Variants in GPC3 observed in about 807,000 individuals in gnomAD.
GPC3 encodes glypican 3, also known as glypican-3.
In GPC3, 3 loss-of-function variants were observed where a neutral mutation model predicts 34.4. The observed-to-expected ratio is 0.09, with a 90% CI of 0.04 to 0.23. The LOEUF is 0.23. GPC3 is among the 10% of genes least tolerant of loss of function. GPC3 has a pLI of 1.00. For missense variants in GPC3, 351 were observed against 445.6 expected (o/e 0.79, Z 1.91); for synonymous variants, 177 against 174.0 (o/e 1.02, Z -0.13).
At chrX:133,771,694 C>T (rs1444324816) in intron 2 of GPC3, among the ~76,000 whole-genome samples, 1 of 112,393 alleles carries the variant, frequency 8.9e-6, no homozygotes, top group Non-Finnish European at 1.9e-5. Context: ...CCCAAATCTG[C>T]ATGTGGAAGT....
At chrX:133,831,429 T>C (rs1486639581) in intron 2 of GPC3, among the ~76,000 whole-genome samples, 1 of 112,111 alleles carries the variant, frequency 8.9e-6, no homozygotes, top group South Asian at 3.7e-4. Context: ...TAAAAACTTA[T>C]ATTTAAAAAC....
rs1364907569 is a variant in GPC3 at position 133,778,358 on chromosome X, C to G, written c.338-24182G>C. ...AAGAGAAAGAACCTGGCCCCTCAGA[C>G]AGCCCCCTTCTTTGGTTGTTTATAG... On this transcript the variant is annotated intron_variant, in intron 2 of 7. Transcript: ENST00000370818. Among the ~76,000 whole-genome samples, 5 of 111,952 alleles carry G rather than the reference C, an allele frequency of 4.5e-5. No homozygotes were observed. In the Admixed American group the frequency reaches 4.8e-4, roughly 11 times the overall value.
chrX:133,873,945 T>C (rs2076005042), intron 2 of GPC3, among the ~76,000 whole-genome samples: 1 of 111,202 alleles, frequency 9.0e-6, no homozygotes, highest in Admixed American at 9.6e-5. Flanking sequence ...ATGGGAACAA[T>C]TTCAAACCAT....
chrX:133,886,796 C>T (rs958245130), intron 2 of GPC3, among the ~76,000 whole-genome samples: 2 of 112,374 alleles, frequency 1.8e-5, no homozygotes, highest in African/African-American at 6.5e-5. Flanking sequence ...TGTGTGGCAG[C>T]ATATTATTTC....
intron 2 of GPC3, among the ~76,000 whole-genome samples, chrX:133,891,672 G>A (rs988782199): frequency 9.3e-6 from 1 of 107,422 alleles, no homozygotes. Context: ...AGTCGTGCAT[G>A]CCTGCAGTTC....
At chrX:133,571,162 G>C (rs1331777628) in intron 7 of GPC3, among the ~76,000 whole-genome samples, 2 of 111,412 alleles carry the variant, frequency 1.8e-5, no homozygotes, top group African/African-American at 6.5e-5. Context: ...CGGTTTCTCT[G>C]ACAAAAGGCA....
intron 2 of GPC3, among the ~76,000 whole-genome samples, chrX:133,805,161 ATTATT>A (rs1360300450): frequency 8.9e-6 from 1 of 112,253 alleles, no homozygotes; most frequent in Non-Finnish European, 1.9e-5. Context: ...TAATTATCTG[ATTATT>A]TTGTCTTGCA....
At chrX:133,581,168 G>A (rs2069727898) in intron 7 of GPC3, among the ~76,000 whole-genome samples, 1 of 112,329 alleles carries the variant, frequency 8.9e-6, no homozygotes, top group African/African-American at 3.2e-5. Context: ...GATTTCCATC[G>A]GTTAGCAGAG....
At chrX:133,783,490 A>G (rs779507627) in intron 2 of GPC3, among the ~76,000 whole-genome samples, 4 of 111,737 alleles carry the variant, frequency 3.6e-5, no homozygotes, top group Non-Finnish European at 7.5e-5. Flanking sequence ...TCACTTCTCC[A>G]TGTTGGCCTG....
intron 1 of GPC3, among the ~76,000 whole-genome samples, chrX:133,978,433 C>T (rs1000437292): frequency 2.7e-5 from 3 of 111,934 alleles, no homozygotes; most frequent in Non-Finnish European, 5.6e-5. Flanking sequence ...TATAATATAT[C>T]TTCAATTTGT....
chrX:133,698,252 A>G (rs1312262444), intron 4 of GPC3, among the ~76,000 whole-genome samples: 2 of 111,916 alleles, frequency 1.8e-5, no homozygotes, highest in Admixed American at 1.9e-4. Context: ...AGGGGCAGTG[A>G]AGATCTGATT....
At chrX:133,550,996 C>A (rs2069428241) in intron 7 of GPC3, among the ~76,000 whole-genome samples, 1 of 112,350 alleles carries the variant, frequency 8.9e-6, no homozygotes, top group African/African-American at 3.2e-5. Flanking sequence ...CTGACACATG[C>A]TGGCAATCTG....
At chrX:133,677,923 G>T (rs1217474350) in intron 5 of GPC3, among the ~76,000 whole-genome samples, 1 of 111,406 alleles carries the variant, frequency 9.0e-6, no homozygotes, top group Non-Finnish European at 1.9e-5. Context: ...TTCCAGGTCT[G>T]CTGGATGACA....
intron 5 of GPC3, among the ~76,000 whole-genome samples, chrX:133,682,399 A>C (rs1026597134): frequency 1.8e-5 from 2 of 111,482 alleles, no homozygotes; most frequent in African/African-American, 3.3e-5. Context: ...ATTATTTCCC[A>C]AAAAAAATCC....
At chrX:133,547,748 G>T (rs931684966) in intron 7 of GPC3, among the ~76,000 whole-genome samples, 2 of 110,397 alleles carry the variant, frequency 1.8e-5, no homozygotes, top group African/African-American at 6.6e-5. Context: ...GTAGCTCACT[G>T]CAACCTCTGT....
chrX:133,875,010 G>A (rs191636985), intron 2 of GPC3, among the ~76,000 whole-genome samples: 4 of 112,235 alleles, frequency 3.6e-5, no homozygotes, highest in Non-Finnish European at 7.5e-5. Flanking sequence ...GGCTATCACT[G>A]GCTAGTGGAG....
At chrX:133,669,653 C>T (rs1488612307) in intron 5 of GPC3, among the ~76,000 whole-genome samples, 1 of 111,983 alleles carries the variant, frequency 8.9e-6, no homozygotes, top group East Asian at 2.8e-4. Context: ...TAGTAATACT[C>T]ATCTGTAATT....
intron 3 of GPC3, among the ~76,000 whole-genome samples, chrX:133,708,792 C>G (rs753945097): frequency 8.9e-6 from 1 of 112,009 alleles, no homozygotes; most frequent in Non-Finnish European, 1.9e-5. Flanking sequence ...AAGTTAATGA[C>G]ATTTTTAGGC....
intron 2 of GPC3, among the ~76,000 whole-genome samples, chrX:133,771,101 T>C (rs1056585227): frequency 2.7e-5 from 3 of 111,737 alleles, no homozygotes; most frequent in Admixed American, 9.5e-5. Context: ...TACACTGACA[T>C]TTTCTGTGTT....
Sources: allele counts gnomAD v4.1 joint callset (sites outside exome capture counted in the v4.1 genomes callset), GRCh38; gene constraint gnomAD v4.1.1; transcripts MANE v1.5; gene names NCBI Gene and HGNC (gene_info 2026-07-23, HGNC 2026-07-21).